Variants in USO1 observed in about 807,000 individuals in gnomAD.
USO1 encodes the protein USO1 vesicle transport factor, also known as general vesicular transport factor p115.
In USO1, 57 loss-of-function variants were observed where a neutral mutation model predicts 124.5. That is an observed-to-expected ratio of 0.46 (90% confidence interval 0.37 to 0.57). The LOEUF is 0.57. USO1 is among the 20% of genes least tolerant of loss of function. The pLI is 0.00. For synonymous variants in USO1, 369 were observed against 362.8 expected (o/e 1.02, Z -0.19); for missense variants, 900 against 1,040.6 (o/e 0.86, Z 1.86).
At chr4:75,761,361 A>T (rs1191756094) in intron 4 of USO1, among the ~76,000 whole-genome samples, 1 of 152,184 alleles carries the variant, frequency 6.6e-6, no homozygotes, top group Non-Finnish European at 1.5e-5. Flanking sequence ...GCAGTGAGCA[A>T]TGATTGCACC....
chr4:75,753,780 A>AT (rs1180101340), intron 3 of USO1, among the ~76,000 whole-genome samples: 35,563 of 125,716 alleles, frequency 0.28, 5,631 homozygotes, highest in Non-Finnish European at 0.32. Context: ...AGCTCTTTCA[A>AT]TTTTTTTTTT....
chr4:75,768,991 C>T (rs1018515161), intron 4 of USO1, among the ~76,000 whole-genome samples: 8 of 152,214 alleles, frequency 5.3e-5, no homozygotes, highest in African/African-American at 1.9e-4. Context: ...GCTTCTCCCA[C>T]AGTGTTTCCA....
chr4:75,770,595 T>C, intron 5 of USO1, 56 bp downstream of exon 5: 2 of 1,515,828 alleles, frequency 1.3e-6, no homozygotes, highest in Non-Finnish European at 8.8e-7. Flanking sequence ...TTGTTGCCTT[T>C]TGGATGTTAT....
At chr4:75,734,919 G>A (rs1214748959) in intron 1 of USO1, among the ~76,000 whole-genome samples, 1 of 151,524 alleles carries the variant, frequency 6.6e-6, no homozygotes, top group Non-Finnish European at 1.5e-5. Context: ...AGTAGAAACA[G>A]GGTTTCACCA....
intron 1 of USO1, among the ~76,000 whole-genome samples, chr4:75,729,241 C>T (rs958723608): frequency 6.6e-6 from 1 of 152,042 alleles, no homozygotes; most frequent in Non-Finnish European, 1.5e-5. Context: ...TTTTAGTTTT[C>T]TCTTTTTCCC....
At chr4:75,778,740 G>A (rs1395783813) in intron 8 of USO1, among the ~76,000 whole-genome samples, 1 of 152,148 alleles carries the variant, frequency 6.6e-6, no homozygotes, top group East Asian at 1.9e-4. Flanking sequence ...GAACTTTATA[G>A]CACAGAGTGA....
intron 16 of USO1, 134 bp downstream of exon 16, chr4:75,800,933 C>G: frequency 1.4e-6 from 2 of 1,406,768 alleles, no homozygotes; most frequent in Non-Finnish European, 9.4e-7. Flanking sequence ...ATCTGTAGCC[C>G]ATTGAAGGAC....
chr4:75,809,080 G>A, intron 21 of USO1, 29 bp downstream of exon 21: 1 of 1,540,888 alleles, frequency 6.5e-7, no homozygotes, highest in Non-Finnish European at 8.7e-7. Flanking sequence ...TTCTCTGGAA[G>A]GTAATAAAGA....
rs1042060486 is a variant in USO1, at chr4:75,802,360, G to A, written c.1986+1160G>A. 1.6e-4 allele frequency among the ~76,000 whole-genome samples: 24 copies of A among 152,292 alleles called. No individual in the cohort carries two copies. The East Asian group carries it at 4.4e-3, about 28-fold the overall frequency. Reference sequence around the variant, plus strand: ...TTTGGAACAGTGAAAAAAACAAATAGTTGTAATGTGATATAGAGTCTATAC... The same window carrying A: ...TTTGGAACAGTGAAAAAAACAAATAATTGTAATGTGATATAGAGTCTATAC... On this transcript the variant is annotated intron_variant, in intron 17 of 23. Coordinates refer to ENST00000514213, the MANE Select transcript of USO1 (RefSeq NM_003715.4).
At chr4:75,731,673 T>A (rs760360328) in intron 1 of USO1, among the ~76,000 whole-genome samples, 4 of 152,224 alleles carry the variant, frequency 2.6e-5, no homozygotes, top group Non-Finnish European at 5.9e-5. Flanking sequence ...GTTAGGGAAA[T>A]TCTGTTTTAG....
intron 13 of USO1, among the ~76,000 whole-genome samples, chr4:75,794,976 A>G (rs190719194): frequency 2.0e-5 from 3 of 152,320 alleles, no homozygotes; most frequent in Admixed American, 6.5e-5. Context: ...TCTGTTAACA[A>G]CAGTTTTATT....
At chr4:75,803,108 A>C (rs934480146) in intron 17 of USO1, among the ~76,000 whole-genome samples, 6 of 150,134 alleles carry the variant, frequency 4.0e-5, no homozygotes, top group Non-Finnish European at 1.5e-5. Context: ...AAACCCAAGA[A>C]AAAAAGAAAG....
chr4:75,754,771 A>G (rs369798551), intron 3 of USO1, among the ~76,000 whole-genome samples: 2 of 152,172 alleles, frequency 1.3e-5, no homozygotes, highest in East Asian at 1.9e-4. Context: ...TTTTGGCCTT[A>G]GTTCTGGCTC....
Position 75,724,873 on chromosome 4 carries a change from A to C in USO1, c.54A>C (p.Thr18=), listed in dbSNP as rs1015076669. The C allele has an allele frequency of 6.2e-7, 1 of 1,613,480 alleles. No individual in the cohort carries two copies. The highest frequency in any genetic ancestry group is 8.5e-7 in the Non-Finnish European group (1 of 1,179,622). ...GTCAGAGTGCCGGACCCCAGCACAC[A>C]GAAGCCGAGACGGTGAGAGGAGCAG... is the stretch of plus-strand genomic sequence containing the variant. The part of the protein sequence containing the change: ...MGGQSAGPQH[T]EAETIQKLCD... Residue 18 remains threonine (T), a synonymous_variant, in exon 1 of 24, where the codon ACA becomes ACC. Transcript: ENST00000514213.
chr4:75,799,845 CTG>C, intron 14 of USO1, 113 bp downstream of exon 14: 3 of 1,267,446 alleles, frequency 2.4e-6, no homozygotes, highest in Non-Finnish European at 3.2e-6. Flanking sequence ...ACTATCTTAT[CTG>C]TGTTGCAACT....
intron 20 of USO1, 54 bp downstream of exon 20, chr4:75,806,626 A>G (rs754736533): frequency 4.6e-6 from 7 of 1,534,486 alleles, no homozygotes; most frequent in Non-Finnish European, 6.1e-6. Context: ...TTATAATAGA[A>G]TAACAGCCCT....
intron 9 of USO1, among the ~76,000 whole-genome samples, chr4:75,784,938 T>C (rs1014576731): frequency 6.6e-6 from 1 of 152,208 alleles, no homozygotes; most frequent in African/African-American, 2.4e-5. Flanking sequence ...TTAGTAAAGC[T>C]TTTATCTCTT....
intron 3 of USO1, chr4:75,755,384 A>G (rs1381110267): frequency 7.8e-6 from 4 of 509,706 alleles, no homozygotes; most frequent in Non-Finnish European, 1.6e-5. Context: ...TATATGTTGC[A>G]AGAATTATCC....
Position 75,757,486 on chromosome 4 carries a change from C to A in USO1, c.219-11C>A. Reference sequence around the variant, plus strand: ...CAGCAGTGTATAAGTGTAATAATTTCTTTTTTCCAGTTCAGATTCTGAAAT... The same window carrying A: ...CAGCAGTGTATAAGTGTAATAATTTATTTTTTCCAGTTCAGATTCTGAAAT... On this transcript the variant is annotated splice_polypyrimidine_tract_variant and intron_variant, in intron 3 of 23. Coordinates refer to ENST00000514213, the MANE Select transcript of USO1 (RefSeq NM_003715.4). The A allele has an allele frequency of 6.7e-7, 1 of 1,488,960 alleles. No individual in the cohort carries two copies. The allele number at this position is 1,488,960 out of a possible 1,614,324, so 92.2% of individuals were successfully genotyped here. A position where few individuals can be genotyped will look rare whatever the true frequency, so the allele number is the denominator to read the frequency against.
Sources: allele counts gnomAD v4.1 joint callset (sites outside exome capture counted in the v4.1 genomes callset), GRCh38; gene constraint gnomAD v4.1.1; transcripts MANE v1.5; gene names NCBI Gene and HGNC (gene_info 2026-07-23, HGNC 2026-07-21).